The following PRKG1 variants were observed in gnomAD, a reference collection of about 807,000 sequenced individuals.
PRKG1 encodes cGMP-dependent protein kinase 1.
A neutral mutation model predicts 88.1 loss-of-function variants in PRKG1; 35 were observed. The observed-to-expected ratio is 0.40, with a 90% confidence interval of 0.30 to 0.53. The LOEUF (loss-of-function observed/expected upper bound fraction) is 0.53. PRKG1 is among the 20% of genes least tolerant of loss of function. PRKG1 has a pLI of 0.59. For synonymous variants in PRKG1, 303 were observed against 292.5 expected, an observed-to-expected ratio of 1.04 and a Z score of -0.37; for missense variants, 540 against 839.8, an observed-to-expected ratio of 0.64 and a Z score of 4.41.
intron 10 of PRKG1, among the ~76,000 whole-genome samples, chr10:52,263,324 A>C (rs898152129): frequency 1.3e-5 from 2 of 152,096 alleles, no homozygotes; most frequent in African/African-American, 4.8e-5. Flanking sequence ...TGAAACATGT[A>C]GCTACCTGAC....
chr10:51,381,307 GA>G (rs1374343402), intron 2 of PRKG1, among the ~76,000 whole-genome samples: 1 of 78,216 alleles, frequency 1.3e-5, no homozygotes, highest in Non-Finnish European at 2.7e-5. Context: ...AAAAGGAAAT[GA>G]AAAAAGTATG....
At chr10:51,365,031 T>A (rs772740704) in intron 2 of PRKG1, among the ~76,000 whole-genome samples, 2 of 151,890 alleles carry the variant, frequency 1.3e-5, no homozygotes, top group Non-Finnish European at 2.9e-5. Context: ...GCACAGAAAA[T>A]CAATTTGGAG....
At chr10:52,276,327 A>G (rs1052478348) in intron 12 of PRKG1, among the ~76,000 whole-genome samples, 5 of 152,080 alleles carry the variant, frequency 3.3e-5, no homozygotes, top group African/African-American at 7.2e-5. Flanking sequence ...GCCTCCCTCA[A>G]TTTACAATTG....
chr10:51,095,211 C>T (rs1244701784), intron 1 of PRKG1, among the ~76,000 whole-genome samples: 1 of 152,156 alleles, frequency 6.6e-6, no homozygotes, highest in Non-Finnish European at 1.5e-5. Context: ...TCTGTACTCT[C>T]TCATTTTCCA....
At chr10:51,367,762 C>T (rs1354014252) in intron 2 of PRKG1, among the ~76,000 whole-genome samples, 5 of 151,984 alleles carry the variant, frequency 3.3e-5, no homozygotes, top group Admixed American at 6.6e-5. Flanking sequence ...TAATACAGCA[C>T]AACTACTAAC....
chr10:51,646,790 T>C (rs1839924775), intron 3 of PRKG1, among the ~76,000 whole-genome samples: 1 of 151,932 alleles, frequency 6.6e-6, no homozygotes, highest in Non-Finnish European at 1.5e-5. Context: ...CTATATTTGG[T>C]CTTAATGATG....
intron 1 of PRKG1, among the ~76,000 whole-genome samples, chr10:51,144,169 A>C (rs1220413839): frequency 6.6e-6 from 1 of 151,960 alleles, no homozygotes; most frequent in African/African-American, 2.4e-5. Flanking sequence ...TAAGGGTCTA[A>C]TTTCATTCTT....
intron 9 of PRKG1, among the ~76,000 whole-genome samples, chr10:52,189,085 C>A (rs1839295896): frequency 6.6e-6 from 1 of 152,076 alleles, no homozygotes; most frequent in African/African-American, 2.4e-5. Context: ...GCATCTATAT[C>A]AGTCTAAGAG....
At chr10:51,112,580 A>G (rs975952923) in intron 1 of PRKG1, among the ~76,000 whole-genome samples, 3 of 152,136 alleles carry the variant, frequency 2.0e-5, no homozygotes, top group Admixed American at 2.0e-4. Context: ...AAAATTTACA[A>G]AACTATTGTG....
At chr10:52,054,667 A>G (rs1299210191) in intron 6 of PRKG1, 106 bp downstream of exon 6, 3 of 906,784 alleles carry the variant, frequency 3.3e-6, no homozygotes, top group African/African-American at 3.3e-5. Flanking sequence ...AGTTTGTTCC[A>G]TTTTTTGACA....
chr10:51,905,817 TGAA>T (rs1409984902), intron 4 of PRKG1, among the ~76,000 whole-genome samples: 8 of 152,204 alleles, frequency 5.3e-5, no homozygotes, highest in African/African-American at 1.9e-4. Context: ...CACTGTCCTA[TGAA>T]GCATTCACAA....
chr10:52,249,799 C>T (rs1841126708), intron 9 of PRKG1, among the ~76,000 whole-genome samples: 1 of 151,920 alleles, frequency 6.6e-6, no homozygotes, highest in Non-Finnish European at 1.5e-5. Context: ...ACTCTAGCCT[C>T]AGCCTGGGTG....
intron 2 of PRKG1, among the ~76,000 whole-genome samples, chr10:51,437,357 A>G (rs10997547): frequency 0.31 from 46,627 of 151,838 alleles, 7,911 homozygotes; most frequent in African/African-American, 0.44. Flanking sequence ...TGAGATATAC[A>G]CACGGGCAAA....
intron 2 of PRKG1, among the ~76,000 whole-genome samples, chr10:51,422,125 T>C (rs2132708765): frequency 6.6e-6 from 1 of 152,288 alleles, no homozygotes; most frequent in East Asian, 1.9e-4. Context: ...TCTGAGAGCT[T>C]TAAAAGTTGT....
chr10:51,974,947 A>T (rs1843793681), intron 5 of PRKG1, among the ~76,000 whole-genome samples: 1 of 152,152 alleles, frequency 6.6e-6, no homozygotes, highest in Non-Finnish European at 1.5e-5. Flanking sequence ...TACGTAGAAA[A>T]TGTCTTCAAA....
At chr10:51,053,565 A>G (rs541343494) in intron 1 of PRKG1, among the ~76,000 whole-genome samples, 5 of 152,124 alleles carry the variant, frequency 3.3e-5, no homozygotes, top group East Asian at 1.9e-4. Context: ...GTAATTGCCA[A>G]TTTGATTATG....
intron 10 of PRKG1, among the ~76,000 whole-genome samples, chr10:52,256,543 G>T (rs1194546869): frequency 5.0e-5 from 7 of 139,632 alleles, no homozygotes; most frequent in African/African-American, 1.7e-4. Context: ...AGGTTGTGAA[G>T]ATTAAACGAG....
chr10:51,819,105 G>C (rs1350228915), intron 4 of PRKG1, among the ~76,000 whole-genome samples: 1 of 149,758 alleles, frequency 6.7e-6, no homozygotes, highest in Non-Finnish European at 1.5e-5. Flanking sequence ...GGTTCTCCAG[G>C]CTGTACAAGA....
At chr10:51,485,523 A>C (rs1840507949) in intron 3 of PRKG1, among the ~76,000 whole-genome samples, 1 of 152,202 alleles carries the variant, frequency 6.6e-6, no homozygotes, top group Non-Finnish European at 1.5e-5. Context: ...ACAATAAGAA[A>C]GTGATATTAT....
Sources: allele counts gnomAD v4.1 joint callset (sites outside exome capture counted in the v4.1 genomes callset), GRCh38; gene constraint gnomAD v4.1.1; transcripts MANE v1.5; gene names NCBI Gene and HGNC (gene_info 2026-07-23, HGNC 2026-07-21).